The following C4orf51 variants were observed in gnomAD, a reference collection of about 807,000 sequenced individuals.
C4orf51 encodes chromosome 4 open reading frame 51.
Under a neutral mutation model 25.2 loss-of-function variants are expected in C4orf51, and 25 were observed. The observed-to-expected ratio is 0.99, with a 90% CI of 0.72 to 1.39. C4orf51 has a LOEUF of 1.39. Among genes scored for constraint, C4orf51 ranks in the 40% most tolerant of loss-of-function variants. The probability of loss-of-function intolerance (pLI) is 0.00; values close to 1 mark genes in which losing one functional copy is unlikely to be tolerated. For missense variants in C4orf51, 252 were observed against 239.6 expected (o/e 1.05, Z -0.34); for synonymous variants, 100 against 84.5 (o/e 1.18, Z -1.01).
chr4:145,722,608 A>G (rs1731800168), intron 2 of C4orf51, among the ~76,000 whole-genome samples: 1 of 152,240 alleles, frequency 6.6e-6, no homozygotes, highest in Non-Finnish European at 1.5e-5. Context: ...ATGATACCTT[A>G]TATTTTTGAG....
At chr4:145,756,231 A>G (rs1733940498), downstream of C4orf51, among the ~76,000 whole-genome samples, 1 of 152,208 alleles carries the variant, frequency 6.6e-6, no homozygotes, top group Middle Eastern at 3.2e-3. Context: ...TTAAATGGTC[A>G]GGCATGGTTC....
chr4:145,766,517 A>G (rs10857423), intron 1 of C4orf51, among the ~76,000 whole-genome samples: 146,053 of 152,320 alleles, frequency 0.96, 70,090 homozygotes, highest in African/African-American at 0.99. Flanking sequence ...TTGCAGAGAG[A>G]AGGAACCAGG....
rs754697391 is a variant in C4orf51, at chr4:145,696,633, G to A, written c.307+1G>A. On this transcript the variant is annotated splice_donor_variant, in intron 2 of 5. Transcript: ENST00000438731. LOFTEE classifies it high-confidence loss of function. Reference sequence around the variant, plus strand: ...ACCCAAGAGACTACAGATATCAAAGGTAAGTGCAACATGATCAGTTTCTGG... The same window carrying A: ...ACCCAAGAGACTACAGATATCAAAGATAAGTGCAACATGATCAGTTTCTGG... 1.2e-6 allele frequency: 2 copies of A among 1,611,320 alleles called. No individual in the cohort carries two copies. Among genetic ancestry groups the A allele is most frequent in the Non-Finnish European group, 1.7e-6 (2 of 1,177,936 alleles).
chr4:145,724,880 C>CAAATA (rs1731958758), intron 2 of C4orf51, among the ~76,000 whole-genome samples: 1 of 68,322 alleles, frequency 1.5e-5, no homozygotes, highest in Non-Finnish European at 2.8e-5. Flanking sequence ...AAGACTGTCT[C>CAAATA]AAAAAAAAAA....
chr4:145,685,876 A>C (rs1729124542), intron 1 of C4orf51, among the ~76,000 whole-genome samples: 1 of 152,308 alleles, frequency 6.6e-6, no homozygotes, highest in East Asian at 1.9e-4. Context: ...AATATATAGA[A>C]ATTTAACAGT....
chr4:145,792,295 C>A, the C4orf51 span, among the ~76,000 whole-genome samples: 1 of 151,758 alleles, frequency 6.6e-6, no homozygotes, highest in East Asian at 1.9e-4. Context: ...AAATTTACTC[C>A]TACTCCTATT....
At chr4:145,729,340 C>G (rs1732299981) in intron 4 of C4orf51, 111 bp downstream of exon 4, 9 of 602,638 alleles carry the variant, frequency 1.5e-5, no homozygotes, top group Admixed American at 7.1e-5. Flanking sequence ...GTCTCACACT[C>G]TCCCAGGCTG....
intron 2 of C4orf51, among the ~76,000 whole-genome samples, chr4:145,718,782 G>A (rs55676231): frequency 0.21 from 32,034 of 152,124 alleles, 3,564 homozygotes; most frequent in Middle Eastern, 0.29. Context: ...CAGTTATAAT[G>A]TATTCGTTCA....
At chr4:145,772,195 A>G (rs1238890506), downstream of C4orf51, among the ~76,000 whole-genome samples, 1 of 152,184 alleles carries the variant, frequency 6.6e-6, no homozygotes, top group Non-Finnish European at 1.5e-5. Flanking sequence ...GCACACAAAT[A>G]TATTCATTCA....
At chr4:145,750,657 C>G (rs923343429) in intron 1 of C4orf51, among the ~76,000 whole-genome samples, 1 of 152,024 alleles carries the variant, frequency 6.6e-6, no homozygotes, top group African/African-American at 2.4e-5. Context: ...CTATAACCTT[C>G]TTGTACTTGA....
intron 2 of C4orf51, among the ~76,000 whole-genome samples, chr4:145,710,324 G>A (rs886293106): frequency 6.6e-6 from 1 of 152,320 alleles, no homozygotes; most frequent in Non-Finnish European, 1.5e-5. Flanking sequence ...TTGGAAGAGG[G>A]CCAACAGGTG....
Position 145,726,962 on chromosome 4 carries a change from A to G in C4orf51, c.359A>G (p.His120Arg). The change falls in exon 3 of 6, where the codon CAT (histidine) becomes CGT (arginine). Residue 120 changes from histidine to arginine, a missense_variant. By Grantham distance (29) the His-to-Arg change is conservative. Coordinates refer to ENST00000438731, the MANE Select transcript of C4orf51 (RefSeq NM_001080531.3). ...RPFKKSFDVKHGVAHQIWDFG... is the reference protein window; with the variant it reads ...RPFKKSFDVKRGVAHQIWDFG... ...TTTAAAAAGTCATTTGATGTCAAGC[A>G]TGGAGTGGTAAGCCCAACATTTCTC... The G allele has an allele frequency of 1.9e-6, 3 of 1,613,060 alleles. No homozygotes were observed. Among genetic ancestry groups the G allele is most frequent in the South Asian group, 1.1e-5 (1 of 91,060 alleles).
At chr4:145,691,979 A>G (rs986559040) in intron 1 of C4orf51, among the ~76,000 whole-genome samples, 3 of 152,226 alleles carry the variant, frequency 2.0e-5, no homozygotes, top group Non-Finnish European at 4.4e-5. Flanking sequence ...TATACAGCTG[A>G]TAGGAATGTA....
At chr4:145,764,820 G>T (rs1411938589) in intron 1 of C4orf51, 1 of 848,966 alleles carries the variant, frequency 1.2e-6, no homozygotes, top group Non-Finnish European at 1.9e-6. Flanking sequence ...AGGGGGACAG[G>T]TCTAATTCAA....
the C4orf51 span, among the ~76,000 whole-genome samples, chr4:145,779,147 G>A: frequency 6.6e-6 from 1 of 152,274 alleles, no homozygotes; most frequent in East Asian, 1.9e-4. Flanking sequence ...AACCTAAATT[G>A]TGTATATTTT....
intron 1 of C4orf51, among the ~76,000 whole-genome samples, chr4:145,692,392 A>G (rs193070078): frequency 2.6e-4 from 40 of 152,352 alleles, no homozygotes; most frequent in African/African-American, 9.4e-4. Flanking sequence ...GACAAAATGT[A>G]TTAAGAGAAG....
intron 5 of C4orf51, 68 bp downstream of exon 5, chr4:145,730,033 GTC>G (rs1440239420): frequency 7.4e-5 from 97 of 1,313,776 alleles, no homozygotes; most frequent in Non-Finnish European, 1.0e-4. Flanking sequence ...GGTTCTGAGT[GTC>G]TCTACATGGC....
Position 145,763,232 on chromosome 4 carries a change from G to C in C4orf51, n.167-7756G>C. On this transcript the variant is annotated intron_variant and non_coding_transcript_variant, in intron 1 of 1. Coordinates refer to the C4orf51 transcript ENST00000510096. The surrounding 1 kb of genome is among the most constrained non-coding windows in gnomAD (Gnocchi z 4.6). The stretch of plus-strand genomic sequence containing the variant: ...AAAGCAATTTAGACATCAGCAGTCT[G>C]TTTCATTTTAAGGACATTTCTGTGA... 8.1e-6 allele frequency: 9 copies of C among 1,110,734 alleles called. No homozygotes were observed. The highest frequency in any genetic ancestry group is 1.2e-5 in the Non-Finnish European group (9 of 782,394). The allele number at this position is 1,110,734 out of a possible 1,614,324, so 68.8% of individuals were successfully genotyped here. A position where few individuals can be genotyped will look rare whatever the true frequency, so the allele number is the denominator to read the frequency against.
At chr4:145,771,525 A>G (rs186015118), downstream of C4orf51, among the ~76,000 whole-genome samples, 2 of 152,362 alleles carry the variant, frequency 1.3e-5, no homozygotes, top group African/African-American at 4.8e-5. Flanking sequence ...CAAAATTTGC[A>G]CTGAAGAAGT....
Sources: allele counts gnomAD v4.1 joint callset (sites outside exome capture counted in the v4.1 genomes callset), GRCh38; gene constraint gnomAD v4.1.1; non-coding constraint Gnocchi (gnomAD v3.1); transcripts MANE v1.5; gene names NCBI Gene and HGNC (gene_info 2026-07-23, HGNC 2026-07-21).